AQP4: variants seen among roughly 807,000 people sequenced by gnomAD.
The protein encoded by AQP4 is aquaporin 4.
In AQP4, 18 loss-of-function variants were observed where a neutral mutation model predicts 27.8. The observed-to-expected ratio is 0.65, with a 90% CI of 0.45 to 0.96. AQP4 has a LOEUF of 0.96. Ranked by LOEUF, AQP4 falls within the 40% of genes least tolerant of loss-of-function variation. The probability of loss-of-function intolerance (pLI) is 0.00; values close to 1 mark genes in which losing one functional copy is unlikely to be tolerated. For synonymous variants in AQP4, 141 were observed against 142.9 expected (o/e 0.99, Z 0.10); for missense variants, 412 against 408.2 (o/e 1.01, Z -0.08).
At chr18:26,862,115 G>T in intron 2 of AQP4, 67 bp downstream of exon 2, 1 of 1,564,486 alleles carries the variant, frequency 6.4e-7, no homozygotes, top group Non-Finnish European at 8.8e-7. Context: ...ATGCCACCAA[G>T]GCATTATTTA....
chr18:26,853,846 C>A lies in AQP4; in HGVS notation c.*2365G>T, dbSNP rs1246019488. On this transcript the variant is annotated 3_prime_UTR_variant, in exon 5 of 5. Coordinates refer to ENST00000383168, the MANE Select transcript of AQP4 (RefSeq NM_001650.7). ...GCAAAAAAGTGCTAAAGCTTTCATT[C>A]ATTTCATGCCCCTAAAAATAGTAGA... 4 of 152,490 alleles carry A rather than the reference C, an allele frequency of 2.6e-5. No homozygotes were observed. The highest frequency in any genetic ancestry group is 9.6e-5 in the African/African-American group (4 of 41,452). 9.4% of individuals were successfully genotyped at this position (152,490 alleles called of 1,614,324 possible). A position where few individuals can be genotyped will look rare whatever the true frequency, so the allele number is the denominator to read the frequency against.
At chr18:26,856,912 AAC>A (rs1186594931) in intron 4 of AQP4, among the ~76,000 whole-genome samples, 1 of 152,158 alleles carries the variant, frequency 6.6e-6, no homozygotes, top group Non-Finnish European at 1.5e-5. Flanking sequence ...TCATGATCAT[AAC>A]ACAGTTTTTA....
chr18:26,857,804 G>T (rs115219085), intron 4 of AQP4, among the ~76,000 whole-genome samples: 6 of 152,150 alleles, frequency 3.9e-5, no homozygotes, highest in Non-Finnish European at 7.3e-5. Flanking sequence ...GCCGTACTTG[G>T]CACTTTTCTT....
At chr18:26,858,095 C>T (rs2054875932) in intron 4 of AQP4, among the ~76,000 whole-genome samples, 1 of 151,874 alleles carries the variant, frequency 6.6e-6, no homozygotes, top group Non-Finnish European at 1.5e-5. Context: ...CATGGTGAAA[C>T]CCTGTCTCTA....
chr18:26,859,254 T>A (rs1025365543), intron 4 of AQP4, among the ~76,000 whole-genome samples: 6 of 152,254 alleles, frequency 3.9e-5, no homozygotes, highest in South Asian at 2.1e-4. Flanking sequence ...GCACTGTGGC[T>A]CACGCCTGTA....
chr18:26,863,765 C>A (rs779601064), intron 1 of AQP4, among the ~76,000 whole-genome samples: 1 of 152,128 alleles, frequency 6.6e-6, no homozygotes, highest in African/African-American at 2.4e-5. Context: ...CTTTTCTCTA[C>A]GGTCTTTTTG....
At position 26,852,755 on chromosome 18, in the gene AQP4, A is replaced by T; in HGVS notation, c.*3456T>A. The stretch of plus-strand genomic sequence containing the variant: ...AAAACACTTTAGGAAAGACAGAATT[A>T]CTTTTAGGTATAAAATGTTCTGAAT... On this transcript the variant is annotated 3_prime_UTR_variant, in exon 5 of 5. Coordinates refer to ENST00000383168, the MANE Select transcript of AQP4 (RefSeq NM_001650.7). The T allele has an allele frequency of 5.0e-6, 2 of 398,384 alleles. No homozygotes were observed. The highest frequency in any genetic ancestry group is 8.9e-6 in the Non-Finnish European group (2 of 225,858). The allele number at this position is 398,384 out of a possible 1,614,324, so 24.7% of individuals were successfully genotyped here.
At chr18:26,865,747 G>C, upstream of AQP4, 1 of 1,607,152 alleles carries the variant, frequency 6.2e-7, no homozygotes, top group Non-Finnish European at 8.5e-7. Context: ...CTGTGTGCTG[G>C]GAGTCAGATT....
chr18:26,857,910 A>C (rs968791129), intron 4 of AQP4, among the ~76,000 whole-genome samples: 1 of 152,296 alleles, frequency 6.6e-6, no homozygotes, highest in African/African-American at 2.4e-5. Flanking sequence ...AGAGGGTAAT[A>C]AGCTTGCTTA....
chr18:26,862,272 G>C lies in AQP4; in HGVS notation c.357C>G (p.Ile119Met). 6.2e-7 allele frequency: 1 copy of C among 1,614,158 alleles called. No homozygotes were observed. Residue 119 changes from isoleucine to methionine, a missense_variant, in exon 2 of 5, where the codon ATC (isoleucine) becomes ATG (methionine). Ile to Met is a conservative substitution (Grantham distance 10). Coordinates refer to ENST00000383168, the MANE Select transcript of AQP4 (RefSeq NM_001650.7). ...TGATGGCCCCCAGGCACTGGGCTGC[G>C]ATGTAGAAGACAGACTTGGCGATGC... is the stretch of plus-strand genomic sequence containing the variant. ...KISIAKSVFY[I>M]AAQCLGAIIG...
In AQP4 at chr18:26,855,687, C is replaced by G. The variant is rs2054829099; in HGVS notation, c.*524G>C. On this transcript the variant is annotated 3_prime_UTR_variant, in exon 5 of 5. Transcript: ENST00000383168. ...AGTAACTGATGAGCAGTGACACTTG[C>G]TAATGCTCTTTTGCCAAGGTAGTCT... 1 of 158,692 alleles carries G rather than the reference C, an allele frequency of 6.3e-6. No homozygotes were observed. The highest frequency in any genetic ancestry group is 1.4e-5 in the Non-Finnish European group (1 of 71,508). 9.8% of individuals were successfully genotyped at this position (158,692 alleles called of 1,614,324 possible).
chr18:26,864,688 G>A (rs2055024260), intron 1 of AQP4, among the ~76,000 whole-genome samples: 2 of 152,172 alleles, frequency 1.3e-5, no homozygotes. Context: ...GGATGGCAAA[G>A]GGGGCAAAAT....
upstream of AQP4, chr18:26,865,778 G>A: frequency 6.6e-7 from 1 of 1,512,790 alleles, no homozygotes; most frequent in Non-Finnish European, 9.2e-7. Flanking sequence ...GTCTGATTGG[G>A]TTTTTGGAGT....
chr18:26,859,506 G>A (rs2054901427), intron 4 of AQP4, among the ~76,000 whole-genome samples: 1 of 152,200 alleles, frequency 6.6e-6, no homozygotes, highest in African/African-American at 2.4e-5. Flanking sequence ...GGGCAACAGA[G>A]CAAGACTCCA....
At chr18:26,864,806 A>G (rs1327473128) in intron 1 of AQP4, among the ~76,000 whole-genome samples, 1 of 152,044 alleles carries the variant, frequency 6.6e-6, no homozygotes, top group Non-Finnish European at 1.5e-5. Context: ...TCAGCCCCGC[A>G]GGAGACACCA....
At chr18:26,863,874 C>G (rs1378473463) in intron 1 of AQP4, among the ~76,000 whole-genome samples, 1 of 152,084 alleles carries the variant, frequency 6.6e-6, no homozygotes, top group African/African-American at 2.4e-5. Context: ...AGGGAGGACG[C>G]CTTCTCCTCC....
chr18:26,860,601 A>G lies in AQP4; in HGVS notation c.693+171T>C, dbSNP rs2054923269. Reference sequence around the variant, plus strand: ...TGTTTTACATCTCTTATCTTTTTACAGCAGATCTGTGCTATTCTTTCCCTA... The same window carrying G: ...TGTTTTACATCTCTTATCTTTTTACGGCAGATCTGTGCTATTCTTTCCCTA... On this transcript the variant is annotated intron_variant, in intron 4 of 4. Transcript: ENST00000383168. 3.6e-5 allele frequency: 24 copies of G among 659,162 alleles called. No homozygotes were observed. The South Asian group carries it at 4.0e-4, about 11-fold the overall frequency. The allele number at this position is 659,162 out of a possible 1,614,324, so 40.8% of individuals were successfully genotyped here.
chr18:26,856,469 G>C lies in AQP4; in HGVS notation c.714C>G (p.Ile238Met), dbSNP rs372829102. 9.6e-5 allele frequency: 155 copies of C among 1,614,098 alleles called. No homozygotes were observed. The highest frequency in any genetic ancestry group is 3.3e-4 in the Middle Eastern group (2 of 6,084). The change falls in exon 5 of 5, where the codon ATC becomes ATG. Residue 238 changes from isoleucine to methionine, a missense_variant. By Grantham distance (10) the Ile-to-Met change is conservative. Transcript: ENST00000383168. ...GGCCACCAGCGAGGACAGCTCCTAT[G>C]ATGGGCCCAACCCAATATATCTAAG... The part of the protein sequence containing the change: ...ENHWIYWVGP[I>M]IGAVLAGGLY...
intron 4 of AQP4, among the ~76,000 whole-genome samples, chr18:26,858,799 C>T (rs1826669929): frequency 6.6e-6 from 1 of 152,040 alleles, no homozygotes; most frequent in South Asian, 2.1e-4. Flanking sequence ...GTTGCTATTT[C>T]AAAATGAAGT....
Sources: gnomAD v4.1 joint callset for allele counts (sites outside exome capture counted in the v4.1 genomes callset) on GRCh38, gnomAD v4.1.1 for gene constraint, MANE v1.5 for transcripts, NCBI Gene and HGNC (gene_info 2026-07-23, HGNC 2026-07-21) for gene names.